Variants in PRTG observed in about 807,000 individuals in gnomAD.
The protein encoded by PRTG is immunoglobulin superfamily, DCC subclass, member 5.
In PRTG, 67 loss-of-function variants were observed where a neutral mutation model predicts 122.5. The observed-to-expected ratio is 0.55, with a 90% CI of 0.45 to 0.67. The LOEUF (loss-of-function observed/expected upper bound fraction) is 0.67, where lower values mean the gene tolerates loss of function less well. Ranked by LOEUF, PRTG falls within the 30% of genes least tolerant of loss-of-function variation. The pLI is 0.00. For synonymous variants in PRTG, 554 were observed against 501.1 expected, an observed-to-expected ratio of 1.11 and a Z score of -1.41; for missense variants, 1,435 against 1,415.4, an observed-to-expected ratio of 1.01 and a Z score of -0.22.
chr15:55,634,751 A>T (rs1595607570), intron 15 of PRTG, among the ~76,000 whole-genome samples: 1 of 151,886 alleles, frequency 6.6e-6, no homozygotes, highest in Non-Finnish European at 1.5e-5. Flanking sequence ...CTGAGGCAGG[A>T]GAATGACTTG....
chr15:55,736,398 A>T (rs1443528215), intron 2 of PRTG, among the ~76,000 whole-genome samples: 7 of 150,788 alleles, frequency 4.6e-5, no homozygotes, highest in African/African-American at 1.7e-4. Flanking sequence ...TTTTAACATG[A>T]CTCTTTATAA....
At chr15:55,710,556 A>G (rs1297173256) in intron 2 of PRTG, among the ~76,000 whole-genome samples, 1 of 152,118 alleles carries the variant, frequency 6.6e-6, no homozygotes, top group Admixed American at 6.6e-5. Context: ...CATTTTCTGA[A>G]ATTTTAGGCT....
intron 11 of PRTG, among the ~76,000 whole-genome samples, chr15:55,667,744 AGAAGTTTACT>A (rs764238741): frequency 6.6e-6 from 1 of 152,232 alleles, no homozygotes; most frequent in Non-Finnish European, 1.5e-5. Flanking sequence ...ATTTCTTTAA[AGAAGTTTACT>A]GAGTTCAATT....
At chr15:55,671,556 G>A (rs865893873) in intron 11 of PRTG, among the ~76,000 whole-genome samples, 9 of 151,984 alleles carry the variant, frequency 5.9e-5, no homozygotes, top group Non-Finnish European at 7.4e-5. Flanking sequence ...GCGTAGTGGC[G>A]CGATCTTCCT....
At chr15:55,621,509 A>G (rs1267747742) in intron 18 of PRTG, among the ~76,000 whole-genome samples, 2 of 152,050 alleles carry the variant, frequency 1.3e-5, no homozygotes, top group East Asian at 3.9e-4. Context: ...TACAAAAAAA[A>G]TTAGCTGGGC....
At chr15:55,706,253 A>T (rs564140234) in intron 2 of PRTG, among the ~76,000 whole-genome samples, 10 of 151,926 alleles carry the variant, frequency 6.6e-5, no homozygotes, top group African/African-American at 2.4e-4. Flanking sequence ...ATGCTACAAC[A>T]ACTACTGGCC....
intron 13 of PRTG, 121 bp downstream of exon 13, chr15:55,639,521 G>A (rs1387222871): frequency 1.3e-6 from 1 of 744,400 alleles, no homozygotes; most frequent in East Asian, 2.6e-5. Flanking sequence ...AATAACTTAA[G>A]TCCTGAAACA....
intron 1 of PRTG, 51 bp downstream of exon 1, chr15:55,742,787 G>T (rs111698946): frequency 0.058 from 89,428 of 1,535,368 alleles, 3,000 homozygotes; most frequent in Middle Eastern, 0.066. Context: ...TCCCACTCGC[G>T]CCCGCTCCCG....
Position 55,699,881 on chromosome 15 carries a change from T to C in PRTG, c.398-15950A>G, listed in dbSNP as rs368733405. ...TACGAAAACAAGAAGTGGTAGAAAA[T>C]TAAAGACAGGCAATTTTGCCCAGGC... On this transcript the variant is annotated intron_variant, in intron 2 of 19. Transcript: ENST00000389286. Among the ~76,000 whole-genome samples the C allele has an allele frequency of 5.9e-5, 9 of 152,214 alleles. No individual in the cohort carries two copies. The South Asian group carries it at 1.7e-3, about 28-fold the overall frequency.
intron 2 of PRTG, among the ~76,000 whole-genome samples, chr15:55,723,338 A>C: frequency 6.6e-6 from 1 of 152,066 alleles, no homozygotes; most frequent in South Asian, 2.1e-4. Flanking sequence ...CAAATGTTTT[A>C]AAACATGAAA....
intron 2 of PRTG, among the ~76,000 whole-genome samples, chr15:55,693,198 T>C (rs1595657004): frequency 6.6e-6 from 1 of 152,096 alleles, no homozygotes; most frequent in Non-Finnish European, 1.5e-5. Context: ...GGCTCACGCC[T>C]ATAATCCCAA....
At chr15:55,700,826 A>G (rs1229357795) in intron 2 of PRTG, among the ~76,000 whole-genome samples, 2 of 152,164 alleles carry the variant, frequency 1.3e-5, no homozygotes, top group Non-Finnish European at 2.9e-5. Flanking sequence ...CTGTTAAGAG[A>G]ATGAAAGAAC....
chr15:55,716,552 T>C (rs1191971572), intron 2 of PRTG, among the ~76,000 whole-genome samples: 1 of 152,196 alleles, frequency 6.6e-6, no homozygotes. Flanking sequence ...ATGAAAAACA[T>C]CTTAAAGTCA....
chr15:55,685,851 T>A (rs1342324706), intron 2 of PRTG, among the ~76,000 whole-genome samples: 1 of 152,194 alleles, frequency 6.6e-6, no homozygotes, highest in East Asian at 1.9e-4. Context: ...AAAATCGATA[T>A]CATGAATCTA....
At position 55,672,590 on chromosome 15, in the gene PRTG, G is replaced by A. The variant is rs1025156601; in HGVS notation, c.1896C>T (p.Thr632=). 4 of 1,613,954 alleles carry A rather than the reference G, an allele frequency of 2.5e-6. No homozygotes were observed. Among genetic ancestry groups the A allele is most frequent in the Non-Finnish European group, 3.4e-6 (4 of 1,179,994 alleles). Residue 632 remains threonine (T), a synonymous_variant, in exon 11 of 20, where the codon ACC becomes ACT. Transcript: ENST00000389286. ...PELHLEPLNC[T]TISVRWQQDV... ...CTTGCTGCCACCTCACAGAAATGGT[G>A]GTACAGTTCAGAGGCTCCAAATGCA...
At chr15:55,694,944 A>G (rs1009827095) in intron 2 of PRTG, among the ~76,000 whole-genome samples, 3 of 152,192 alleles carry the variant, frequency 2.0e-5, no homozygotes, top group Admixed American at 6.5e-5. Context: ...ACAAGAAGTC[A>G]TTAAAGCTGT....
At chr15:55,624,582 A>G (rs2059184911) in intron 17 of PRTG, 75 bp from the exon 18 acceptor site, 2 of 1,288,136 alleles carry the variant, frequency 1.6e-6, no homozygotes, top group Non-Finnish European at 1.1e-6. Context: ...TGGCCTATCA[A>G]CAAAACTTTG....
rs992149720 is a variant in PRTG, at chr15:55,622,634, G to A, written c.3093+1708C>T. 9.9e-5 allele frequency among the ~76,000 whole-genome samples: 15 copies of A among 151,118 alleles called. 1 individual carries two copies. Among genetic ancestry groups the A allele is most frequent in the Admixed American group, 7.3e-4 (11 of 15,136 alleles). On this transcript the variant is annotated intron_variant, in intron 18 of 19. Transcript: ENST00000389286. Reference sequence around the variant, plus strand: ...TCTCGATCTCCTGACCTCGTGATCCGCCCGCCTTGGTCTCCCAAAGCGCTG... The same window carrying A: ...TCTCGATCTCCTGACCTCGTGATCCACCCGCCTTGGTCTCCCAAAGCGCTG...
intron 2 of PRTG, among the ~76,000 whole-genome samples, chr15:55,718,225 G>A (rs1418826890): frequency 6.6e-6 from 1 of 151,968 alleles, no homozygotes; most frequent in Non-Finnish European, 1.5e-5. Flanking sequence ...GCCAGAAAAC[G>A]GCACTTTCAA....
Sources: gnomAD v4.1 joint callset for allele counts (sites outside exome capture counted in the v4.1 genomes callset) on GRCh38, gnomAD v4.1.1 for gene constraint, MANE v1.5 for transcripts, NCBI Gene and HGNC (gene_info 2026-07-23, HGNC 2026-07-21) for gene names.